Variants in CARF observed in about 807,000 individuals in gnomAD.
The protein encoded by CARF is calcium-responsive transcription factor.
In CARF, 57 loss-of-function variants were observed where a neutral mutation model predicts 82.0. The observed-to-expected ratio is 0.70, with a 90% CI of 0.56 to 0.87. CARF has a LOEUF of 0.87. CARF is among the 40% of genes least tolerant of loss of function. The pLI is 0.00. For synonymous variants in CARF, 268 were observed against 290.1 expected (o/e 0.92, Z 0.77); for missense variants, 771 against 855.8 (o/e 0.90, Z 1.24).
chr2:202,924,647 C>T (rs1691459128), intron 3 of CARF: 1 of 153,646 alleles, frequency 6.5e-6, no homozygotes, highest in Non-Finnish European at 1.4e-5. Context: ...ACATGGTATC[C>T]ACCTCTGGTC....
At chr2:202,936,186 A>G (rs1693907083) in intron 3 of CARF, among the ~76,000 whole-genome samples, 1 of 152,168 alleles carries the variant, frequency 6.6e-6, no homozygotes, top group South Asian at 2.1e-4. Context: ...ATTCCTTAAT[A>G]TCAAATATCT....
At chr2:202,941,738 G>A in intron 3 of CARF, 122 bp from the exon 4 acceptor site, 1 of 491,556 alleles carries the variant, frequency 2.0e-6, no homozygotes, top group Non-Finnish European at 3.7e-6. Context: ...CTATAGAATG[G>A]AATTGATTTT....
At chr2:202,977,957 A>G (rs1325622002) in intron 14 of CARF, among the ~76,000 whole-genome samples, 1 of 152,038 alleles carries the variant, frequency 6.6e-6, no homozygotes, top group Non-Finnish European at 1.5e-5. Flanking sequence ...GTGGTTCTTC[A>G]GCCTCAGCCT....
chr2:202,953,576 A>T (rs72926787), intron 6 of CARF, among the ~76,000 whole-genome samples: 12,946 of 111,768 alleles, frequency 0.12, 718 homozygotes, highest in Middle Eastern at 0.18. Context: ...CTATACTGTT[A>T]TGTTGCTTCT....
At chr2:202,933,964 A>G (rs1241840019) in intron 3 of CARF, among the ~76,000 whole-genome samples, 1 of 152,102 alleles carries the variant, frequency 6.6e-6, no homozygotes, top group African/African-American at 2.4e-5. Flanking sequence ...GGAGTGTCCA[A>G]TCTTTTGGCT....
At chr2:202,955,861 A>G (rs1232569768) in intron 8 of CARF, 103 bp downstream of exon 8, 5 of 687,670 alleles carry the variant, frequency 7.3e-6, no homozygotes, top group Non-Finnish European at 9.5e-6. Flanking sequence ...CTATAGTTAC[A>G]GTATTTTGTT....
intron 8 of CARF, 59 bp from the exon 9 acceptor site, chr2:202,961,178 C>T (rs2059305374): frequency 7.2e-7 from 1 of 1,380,050 alleles, no homozygotes. Context: ...CATCTCATTA[C>T]ATTTATTATG....
At position 202,985,386 on chromosome 2, in the gene CARF, C is replaced by G. The variant is rs2060400195; in HGVS notation, c.*1762C>G. 1 of 151,846 alleles carries G rather than the reference C, an allele frequency of 6.6e-6. No homozygotes were observed. Among genetic ancestry groups the G allele is most frequent in the African/African-American group, 2.4e-5 (1 of 41,368 alleles). The allele number at this position is 151,846 out of a possible 1,614,324, so 9.4% of individuals were successfully genotyped here. On this transcript the variant is annotated 3_prime_UTR_variant, in exon 17 of 17. Transcript: ENST00000438828. ...AGGTGGAATTCTAATATTCCCTGCTCTTTAGATTTATATTTTATTTAATAT... is the reference window on the plus strand; with the variant it reads ...AGGTGGAATTCTAATATTCCCTGCTGTTTAGATTTATATTTTATTTAATAT...
At chr2:202,941,061 A>G (rs184884988) in intron 3 of CARF, among the ~76,000 whole-genome samples, 1 of 152,174 alleles carries the variant, frequency 6.6e-6, no homozygotes, top group African/African-American at 2.4e-5. Context: ...TAGGTATAAT[A>G]TATAAAATTC....
rs546118157 is a variant in CARF at position 202,936,023 on chromosome 2, G to A, written c.-43-5837G>A. Among the ~76,000 whole-genome samples, 6 of 151,842 alleles carry A rather than the reference G, an allele frequency of 4.0e-5. No individual in the cohort carries two copies. The South Asian group carries it at 1.0e-3, about 26-fold the overall frequency. On this transcript the variant is annotated intron_variant, in intron 3 of 16. Transcript: ENST00000438828. ...GTTTCTTGTAGAAATGGGATCTCAG[G>A]CTGGTCTTGAACTCCCATGCTGGTC... is the stretch of plus-strand genomic sequence containing the variant.
chr2:202,968,440 G>A (rs1185609939), intron 10 of CARF, among the ~76,000 whole-genome samples: 1 of 151,956 alleles, frequency 6.6e-6, no homozygotes, highest in Non-Finnish European at 1.5e-5. Context: ...GCATTCTCAA[G>A]AAGTTTTTAA....
At chr2:202,942,585 A>G in intron 4 of CARF, 155 bp from the exon 5 acceptor site, 2 of 668,640 alleles carry the variant, frequency 3.0e-6, no homozygotes, top group Non-Finnish European at 1.8e-6. Flanking sequence ...AATTTTACTT[A>G]AGAAATACTT....
rs2060470747 is a variant in CARF, at chr2:202,986,908, AG to A, written c.*3285del. Reference sequence around the variant, plus strand: ...TATATATATATATATATATATATATAGCAACTTGATGTATAGTGTCCTTGTT... The same window carrying A: ...TATATATATATATATATATATATATACAACTTGATGTATAGTGTCCTTGTT... On this transcript the variant is annotated 3_prime_UTR_variant, in exon 17 of 17. Coordinates refer to ENST00000438828, the MANE Select transcript of CARF (RefSeq NM_024744.17). 6 of 136,312 alleles carry A rather than the reference AG, an allele frequency of 4.4e-5. No homozygotes were observed. Among genetic ancestry groups the A allele is most frequent in the South Asian group, 2.3e-4 (1 of 4,434 alleles). 8.4% of individuals were successfully genotyped at this position (136,312 alleles called of 1,614,324 possible).
intron 12 of CARF, chr2:202,973,454 C>G (rs1238775171): frequency 4.6e-6 from 2 of 433,832 alleles, no homozygotes; most frequent in East Asian, 1.4e-4. Flanking sequence ...CTATTTCTAT[C>G]TTCTTTTGTC....
intron 1 of CARF, among the ~76,000 whole-genome samples, chr2:202,914,074 G>A (rs1689147025): frequency 6.6e-6 from 1 of 151,972 alleles, no homozygotes; most frequent in Non-Finnish European, 1.5e-5. Flanking sequence ...TGTCGTGTTT[G>A]GTGTTGCCTC....
chr2:202,922,412 G>A (rs1180219090), intron 2 of CARF, among the ~76,000 whole-genome samples: 4 of 152,230 alleles, frequency 2.6e-5, no homozygotes, highest in Non-Finnish European at 5.9e-5. Context: ...CTACCAGCCT[G>A]GCCTGGAACA....
chr2:202,919,895 AATCACAGC>A (rs1326507725), intron 2 of CARF, among the ~76,000 whole-genome samples: 1 of 152,032 alleles, frequency 6.6e-6, no homozygotes, highest in Non-Finnish European at 1.5e-5. Flanking sequence ...CAGGTAACTG[AATCACAGC>A]ATTGTCAAAA....
At chr2:202,924,940 A>G (rs777876168) in intron 3 of CARF, 168 of 288,702 alleles carry the variant, frequency 5.8e-4, no homozygotes, top group Non-Finnish European at 9.7e-4. Context: ...GACCCTAAAC[A>G]AGTTTGCCCC....
chr2:202,927,008 T>G (rs754294542), intron 3 of CARF, among the ~76,000 whole-genome samples: 1 of 152,010 alleles, frequency 6.6e-6, no homozygotes, highest in South Asian at 2.1e-4. Flanking sequence ...AGAGATAAGG[T>G]TTCATCATGT....
Sources: gnomAD v4.1 joint callset for allele counts (sites outside exome capture counted in the v4.1 genomes callset) on GRCh38, gnomAD v4.1.1 for gene constraint, MANE v1.5 for transcripts, NCBI Gene and HGNC (gene_info 2026-07-23, HGNC 2026-07-21) for gene names.